Variants in SENP6 observed in about 807,000 individuals in gnomAD.
SENP6 encodes the protein sentrin-specific protease 6.
A neutral mutation model predicts 134.5 loss-of-function variants in SENP6; 41 were observed. The ratio of observed to expected loss-of-function variants is 0.30; its 90% CI spans 0.24 to 0.40. The LOEUF is 0.40. Ranked by LOEUF, SENP6 falls within the 10% of genes least tolerant of loss-of-function variation. The pLI is 1.00. For synonymous variants in SENP6, 395 were observed against 429.8 expected, an observed-to-expected ratio of 0.92 and a Z score of 1.00; for missense variants, 1,248 against 1,312.5, an observed-to-expected ratio of 0.95 and a Z score of 0.76.
chr6:75,666,988 T>C (rs1356362306), intron 10 of SENP6, 47 bp downstream of exon 10: 7 of 1,345,204 alleles, frequency 5.2e-6, no homozygotes, highest in Non-Finnish European at 6.2e-6. Context: ...TGCCTCCATT[T>C]TGGGGTGTAA....
At chr6:75,638,608 ATATATATATATATATTTTT>A (rs1561992732) in intron 5 of SENP6, among the ~76,000 whole-genome samples, 1 of 43,584 alleles carries the variant, frequency 2.3e-5, no homozygotes, top group South Asian at 8.8e-4. Context: ...ATATATATAT[ATATATATATATATATTTTT>A]TTTTTTTTTT....
chr6:75,647,670 C>A, intron 6 of SENP6, 61 bp from the exon 7 acceptor site: 1 of 1,209,160 alleles, frequency 8.3e-7, no homozygotes, highest in Non-Finnish European at 1.2e-6. Flanking sequence ...ATGCCATTAA[C>A]TTTTTCATTT....
At chr6:75,714,453 T>G (rs1251077148) in intron 23 of SENP6, among the ~76,000 whole-genome samples, 1 of 152,234 alleles carries the variant, frequency 6.6e-6, no homozygotes, top group Non-Finnish European at 1.5e-5. Flanking sequence ...TTTACTTGTT[T>G]ATCGTCGAGT....
chr6:75,646,952 G>T (rs1392908540), intron 6 of SENP6: 1 of 151,484 alleles, frequency 6.6e-6, no homozygotes, highest in Admixed American at 6.6e-5. Context: ...ATAAGAATTT[G>T]AAATTCTTGC....
At chr6:75,606,686 A>G (rs1193929582) in intron 1 of SENP6, among the ~76,000 whole-genome samples, 2 of 152,212 alleles carry the variant, frequency 1.3e-5, no homozygotes, top group Non-Finnish European at 2.9e-5. Flanking sequence ...TTGAAGCAAC[A>G]TGACCCCCCT....
At chr6:75,623,130 G>A (rs2149830282) in intron 2 of SENP6, among the ~76,000 whole-genome samples, 1 of 151,910 alleles carries the variant, frequency 6.6e-6, no homozygotes, top group Non-Finnish European at 1.5e-5. Context: ...TAAATATCTA[G>A]GACTTTACAA....
intron 1 of SENP6, among the ~76,000 whole-genome samples, chr6:75,608,584 G>A (rs979950788): frequency 3.3e-5 from 5 of 152,124 alleles, no homozygotes; most frequent in African/African-American, 4.8e-5. Context: ...AGTGATTTTC[G>A]CTAGAAATGC....
chr6:75,702,815 C>G lies in SENP6; in HGVS notation c.2459C>G (p.Ala820Gly). 6.2e-7 allele frequency: 1 copy of G among 1,614,028 alleles called. No individual in the cohort carries two copies. ...GAGAGTTGTTCACAAAACTCTTCTGCCAAGCCTGTAATTAAGAAGATGCTA... is the reference window on the plus strand; with the variant it reads ...GAGAGTTGTTCACAAAACTCTTCTGGCAAGCCTGTAATTAAGAAGATGCTA... ...EMESCSQNSSAKPVIKKMLNK... is the reference protein window; with the variant it reads ...EMESCSQNSSGKPVIKKMLNK... The change falls in exon 19 of 24, where the codon GCC (alanine) becomes GGC (glycine). Residue 820 changes from alanine to glycine, a missense_variant. Physicochemically the swap from Ala to Gly is moderately conservative, Grantham distance 60. Transcript: ENST00000447266.
chr6:75,701,501 C>A (rs1327779545), intron 18 of SENP6, among the ~76,000 whole-genome samples: 1 of 152,044 alleles, frequency 6.6e-6, no homozygotes, highest in Non-Finnish European at 1.5e-5. Context: ...TACTTATATA[C>A]ATATTTTTGA....
intron 1 of SENP6, among the ~76,000 whole-genome samples, chr6:75,604,003 T>C (rs535250861): frequency 2.6e-5 from 4 of 152,286 alleles, no homozygotes; most frequent in Admixed American, 1.3e-4. Context: ...CAGGTAGTGC[T>C]ATGTGTGTTG....
At position 75,697,470 on chromosome 6, in the gene SENP6, C is replaced by T. The variant is rs200471319; in HGVS notation, c.2241C>T (p.His747=). 7.4e-6 allele frequency: 12 copies of T among 1,613,226 alleles called. No individual in the cohort carries two copies. In the African/African-American group the frequency reaches 1.1e-4, roughly 14 times the overall value. ...GGAGAGTAAAAACATGGACCCGGCACGTAGATATTTTTGAGAAGGATTTTA... is the reference window on the plus strand; with the variant it reads ...GGAGAGTAAAAACATGGACCCGGCATGTAGATATTTTTGAGAAGGATTTTA... ...RHGRVKTWTR[H]VDIFEKDFIF... The change falls in exon 18 of 24, where the codon CAC becomes CAT. Residue 747 remains histidine, a synonymous_variant. Transcript: ENST00000447266.
chr6:75,613,950 A>G (rs1159258785), intron 1 of SENP6, among the ~76,000 whole-genome samples: 1 of 152,150 alleles, frequency 6.6e-6, no homozygotes, highest in Non-Finnish European at 1.5e-5. Flanking sequence ...GTTATGTCCC[A>G]TTTGTCTTCT....
At chr6:75,687,001 G>C (rs934900024) in intron 16 of SENP6, among the ~76,000 whole-genome samples, 2 of 152,266 alleles carry the variant, frequency 1.3e-5, no homozygotes, top group African/African-American at 4.8e-5. Flanking sequence ...TTTCCAACTT[G>C]GTTCCATTCT....
In SENP6 at chr6:75,677,112, T is replaced by A. The variant is rs202019332; in HGVS notation, c.1704T>A (p.Asn568Lys). The change falls in exon 14 of 24, where the codon AAT becomes AAA. Residue 568 changes from asparagine to lysine, a missense_variant. Coordinates refer to ENST00000447266, the MANE Select transcript of SENP6 (RefSeq NM_015571.4). ...PANMVFESIINEIGIKNNISN... is the reference protein window; with the variant it reads ...PANMVFESIIKEIGIKNNISN... ...ATATGGTATTTGAAAGTATCATTAATGAAATTGGTATAAAGAATAACATCT... is the reference window on the plus strand; with the variant it reads ...ATATGGTATTTGAAAGTATCATTAAAGAAATTGGTATAAAGAATAACATCT... 266 of 1,609,340 alleles carry A rather than the reference T, an allele frequency of 1.7e-4. 1 individual carries two copies. The African/African-American group carries it at 3.1e-3, about 19-fold the overall frequency.
At chr6:75,646,708 C>T (rs56105244) in intron 6 of SENP6, 40,619 of 152,008 alleles carry the variant, frequency 0.27, 6,306 homozygotes, top group Non-Finnish European at 0.37. Flanking sequence ...TGGTGGTGGG[C>T]GCCTGTAGTC....
At chr6:75,658,970 T>TC (rs200687808) in intron 7 of SENP6, among the ~76,000 whole-genome samples, 80 of 62,796 alleles carry the variant, frequency 1.3e-3, no homozygotes, top group Middle Eastern at 0.021. Flanking sequence ...AGACCTTGTC[T>TC]CCCCAAAAAA....
In SENP6 at chr6:75,675,474, C is replaced by T. The variant is rs749680245; in HGVS notation, c.1426+6C>T. 4.9e-6 allele frequency: 7 copies of T among 1,436,318 alleles called. No individual in the cohort carries two copies. The highest frequency in any genetic ancestry group is 5.7e-6 in the Non-Finnish European group (6 of 1,044,674). 89.0% of individuals were successfully genotyped at this position (1,436,318 alleles called of 1,614,324 possible). A position where few individuals can be genotyped will look rare whatever the true frequency, so the allele number is the denominator to read the frequency against. On this transcript the variant is annotated splice_donor_region_variant and intron_variant, in intron 12 of 23. Coordinates refer to ENST00000447266, the MANE Select transcript of SENP6 (RefSeq NM_015571.4). The stretch of plus-strand genomic sequence containing the variant: ...TATCAAGATACAGCTAGACGGTAAG[C>T]TATTTTATGTCTTTTTACTTACCAA...
At chr6:75,678,996 C>T in intron 16 of SENP6, 69 bp downstream of exon 16, 2 of 786,732 alleles carry the variant, frequency 2.5e-6, no homozygotes, top group South Asian at 3.4e-5. Flanking sequence ...TCTTTGTTTT[C>T]CAGAGTCAGG....
intron 10 of SENP6, among the ~76,000 whole-genome samples, chr6:75,667,518 G>A (rs1361571683): frequency 1.3e-5 from 2 of 151,982 alleles, no homozygotes; most frequent in African/African-American, 2.4e-5. Context: ...TGCAAATTAA[G>A]GAAAATGAAA....
Sources: gnomAD v4.1 joint callset for allele counts (sites outside exome capture counted in the v4.1 genomes callset) on GRCh38, gnomAD v4.1.1 for gene constraint, MANE v1.5 for transcripts, NCBI Gene and HGNC (gene_info 2026-07-23, HGNC 2026-07-21) for gene names.